The following OSBPL2 variants were observed in gnomAD, a reference collection of about 807,000 sequenced individuals.
The protein encoded by OSBPL2 is oxysterol-binding protein-related protein 2.
Under a neutral mutation model 58.4 loss-of-function variants are expected in OSBPL2, and 18 were observed. The observed-to-expected ratio is 0.31, with a 90% CI of 0.21 to 0.46. The LOEUF is 0.46. Ranked by LOEUF, OSBPL2 falls within the 20% of genes least tolerant of loss-of-function variation. The pLI is 1.00. For synonymous variants in OSBPL2, 221 were observed against 234.1 expected (o/e 0.94, Z 0.51); for missense variants, 461 against 616.5 (o/e 0.75, Z 2.67).
chr20:62,282,035 T>C lies in OSBPL2; in HGVS notation c.872+156T>C. 2 of 468,526 alleles carry C rather than the reference T, an allele frequency of 4.3e-6. 1 individual carries two copies. The highest frequency in any genetic ancestry group is 9.0e-5 in the South Asian group (2 of 22,322). The allele number at this position is 468,526 out of a possible 1,614,324, so 29.0% of individuals were successfully genotyped here. ...GGTCCAGAAGTATGACTCTTTTTTG[T>C]TTTGGAAAGACATTTTGTTATTGAG... On this transcript the variant is annotated intron_variant, in intron 9 of 13. Coordinates refer to ENST00000313733, the MANE Select transcript of OSBPL2 (RefSeq NM_144498.4).
At chr20:62,238,915 C>T (rs2145904712) in intron 1 of OSBPL2, 1 of 152,252 alleles carries the variant, frequency 6.6e-6, no homozygotes, top group East Asian at 1.9e-4. Context: ...ATCCCGGGAC[C>T]CCCGGCCCGG....
intron 4 of OSBPL2, among the ~76,000 whole-genome samples, chr20:62,266,200 G>T (rs6143008): frequency 6.6e-6 from 1 of 151,964 alleles, no homozygotes; most frequent in Non-Finnish European, 1.5e-5. Flanking sequence ...GCATTCCCTA[G>T]GTGAGGGTTG....
At position 62,295,826 on chromosome 20, in the gene OSBPL2, T is replaced by G. The variant is rs1175058162; in HGVS notation, c.*1939T>G. 6.6e-6 allele frequency: 1 copy of G among 152,186 alleles called. No homozygotes were observed. Among genetic ancestry groups the G allele is most frequent in the African/African-American group, 2.4e-5 (1 of 41,442 alleles). 9.4% of individuals were successfully genotyped at this position (152,186 alleles called of 1,614,324 possible). On this transcript the variant is annotated 3_prime_UTR_variant, in exon 14 of 14. Coordinates refer to ENST00000313733, the MANE Select transcript of OSBPL2 (RefSeq NM_144498.4). This position sits in a 1 kb window ranked among gnomAD's most constrained non-coding sequence, Gnocchi z 4.8. ...CAGACACATTGAAAGTGACTGCATTTAGGGAGGTTTAACGAGTTCTTACTG... is the reference window on the plus strand; with the variant it reads ...CAGACACATTGAAAGTGACTGCATTGAGGGAGGTTTAACGAGTTCTTACTG...
chr20:62,288,227 G>T lies in OSBPL2; in HGVS notation c.1126-980G>T, dbSNP rs914177781. Among the ~76,000 whole-genome samples the T allele has an allele frequency of 5.9e-5, 9 of 152,156 alleles. No individual in the cohort carries two copies. Among genetic ancestry groups the T allele is most frequent in the South Asian group, 2.1e-4 (1 of 4,830 alleles). ...GGAGTCATTTGAGCAGGGGGTGACG[G>T]GTGCTGTTGATGTTTCCTGTGGCCT... On this transcript the variant is annotated intron_variant, in intron 11 of 13. Coordinates refer to ENST00000313733, the MANE Select transcript of OSBPL2 (RefSeq NM_144498.4). This position sits in a 1 kb window ranked among gnomAD's most constrained non-coding sequence, Gnocchi z 4.8.
At chr20:62,249,297 C>T (rs1452922345) in intron 1 of OSBPL2, among the ~76,000 whole-genome samples, 3 of 152,182 alleles carry the variant, frequency 2.0e-5, no homozygotes, top group Non-Finnish European at 4.4e-5. Flanking sequence ...ACTCAGGCCC[C>T]AGGGTTTTTC....
intron 1 of OSBPL2, among the ~76,000 whole-genome samples, chr20:62,249,650 C>G (rs1289983748): frequency 6.6e-6 from 1 of 152,250 alleles, no homozygotes; most frequent in African/African-American, 2.4e-5. Flanking sequence ...TCTCGGCTTA[C>G]TGCAACCTCC....
Position 62,268,948 on chromosome 20 carries a change from T to A in OSBPL2, c.259-3177T>A, listed in dbSNP as rs921421099. ...AGTGCATGCCTGTAATCCCAGCTAC[T>A]TGGGAGGCTGAGGCAGGCGAATCGC... On this transcript the variant is annotated intron_variant, in intron 4 of 13. Coordinates refer to ENST00000313733, the MANE Select transcript of OSBPL2 (RefSeq NM_144498.4). Among the ~76,000 whole-genome samples, 11 of 152,206 alleles carry A rather than the reference T, an allele frequency of 7.2e-5. No homozygotes were observed. The East Asian group carries it at 1.4e-3, about 19-fold the overall frequency.
At chr20:62,279,895 G>T in intron 7 of OSBPL2, 1 of 1,236,768 alleles carries the variant, frequency 8.1e-7, no homozygotes. Context: ...CCCACCCTGT[G>T]CTCATGTGGC....
rs1226008207 is a variant in OSBPL2 at position 62,293,990 on chromosome 20, G to T, written c.*103G>T. On this transcript the variant is annotated 3_prime_UTR_variant, in exon 14 of 14. Coordinates refer to ENST00000313733, the MANE Select transcript of OSBPL2 (RefSeq NM_144498.4). ...CACAGCAGAAACCAACTTTTCTAAC[G>T]ACTGAGTTCGCGGAGATAGCATCAT... The T allele has an allele frequency of 3.4e-6, 5 of 1,457,964 alleles. No homozygotes were observed. The highest frequency in any genetic ancestry group is 4.6e-6 in the Non-Finnish European group (5 of 1,096,306). The allele number at this position is 1,457,964 out of a possible 1,614,324, so 90.3% of individuals were successfully genotyped here. A position where few individuals can be genotyped will look rare whatever the true frequency, so the allele number is the denominator to read the frequency against.
intron 4 of OSBPL2, among the ~76,000 whole-genome samples, chr20:62,267,022 A>G (rs1166032837): frequency 3.9e-5 from 6 of 152,176 alleles, no homozygotes; most frequent in Admixed American, 6.5e-5. Flanking sequence ...GGCTGAGGCG[A>G]GAGGATCGCT....
intron 9 of OSBPL2, among the ~76,000 whole-genome samples, chr20:62,282,244 C>A (rs1982842691): frequency 6.6e-6 from 1 of 152,108 alleles, no homozygotes; most frequent in Admixed American, 6.5e-5. Flanking sequence ...TCTACCAGCA[C>A]CCCATGCACG....
At chr20:62,262,428 C>T (rs1037840590) in intron 3 of OSBPL2, among the ~76,000 whole-genome samples, 4 of 152,200 alleles carry the variant, frequency 2.6e-5, no homozygotes, top group South Asian at 2.1e-4. Context: ...CATGCAGGGT[C>T]GTATCCTTGG....
intron 7 of OSBPL2, chr20:62,280,325 A>G: frequency 2.9e-6 from 1 of 339,582 alleles, no homozygotes; most frequent in East Asian, 7.9e-5. Context: ...TGGGGCTGGT[A>G]TGGCCGAGTG....
Position 62,288,432 on chromosome 20 carries a change from A to G in OSBPL2, c.1126-775A>G, listed in dbSNP as rs1489437802. 2.7e-3 allele frequency among the ~76,000 whole-genome samples: 325 copies of G among 122,414 alleles called. 3 individuals are homozygous for G. Among genetic ancestry groups the G allele is most frequent in the South Asian group, 0.019 (74 of 3,804 alleles). 80.3% of individuals were successfully genotyped at this position (122,414 alleles called of 152,430 possible). On this transcript the variant is annotated intron_variant, in intron 11 of 13. Transcript: ENST00000313733. The surrounding 1 kb of genome is among the most constrained non-coding windows in gnomAD (Gnocchi z 4.8). ...CTGTGGGTGCAGAGGCTGGGAGGCT[A>G]TGGGTGCAGAGGCTGGGAGGCTGTG...
Position 62,288,612 on chromosome 20 carries a change from G to A in OSBPL2, c.1126-595G>A, listed in dbSNP as rs369358515. On this transcript the variant is annotated intron_variant, in intron 11 of 13. Coordinates refer to ENST00000313733, the MANE Select transcript of OSBPL2 (RefSeq NM_144498.4). The surrounding 1 kb of genome is among the most constrained non-coding windows in gnomAD (Gnocchi z 4.8). ...GCTGTGGGTGCAGAGGCCGAAGGCT[G>A]TGGGTGCAGGGTGCTGCCGCAGGCC... Among the ~76,000 whole-genome samples, 23 of 152,182 alleles carry A rather than the reference G, an allele frequency of 1.5e-4. No individual in the cohort carries two copies. The highest frequency in any genetic ancestry group is 5.3e-4 in the African/African-American group (22 of 41,520).
intron 1 of OSBPL2, among the ~76,000 whole-genome samples, chr20:62,254,497 A>C (rs1476638527): frequency 6.6e-6 from 1 of 152,250 alleles, no homozygotes; most frequent in Admixed American, 6.5e-5. Context: ...GGGCTGCCGC[A>C]GTCTGGCTGG....
At chr20:62,279,507 C>T in intron 7 of OSBPL2, 168 bp downstream of exon 7, 1 of 664,584 alleles carries the variant, frequency 1.5e-6, no homozygotes, top group Non-Finnish European at 2.5e-6. Flanking sequence ...GACCAGGGTC[C>T]CGTGTTGCTG....
intron 6 of OSBPL2, among the ~76,000 whole-genome samples, chr20:62,277,490 C>T (rs929426415): frequency 2.6e-5 from 4 of 152,234 alleles, no homozygotes; most frequent in East Asian, 3.9e-4. Flanking sequence ...ACTTCCAGAT[C>T]GTCCTTGCCA....
At chr20:62,264,993 T>A (rs1269585095) in intron 4 of OSBPL2, among the ~76,000 whole-genome samples, 1 of 152,226 alleles carries the variant, frequency 6.6e-6, no homozygotes, top group East Asian at 1.9e-4. Flanking sequence ...GCCGCATGTC[T>A]TGTTAGTGGG....
Sources: gnomAD v4.1 joint callset for allele counts (sites outside exome capture counted in the v4.1 genomes callset) on GRCh38, gnomAD v4.1.1 for gene constraint, Gnocchi (gnomAD v3.1) non-coding constraint, MANE v1.5 for transcripts, NCBI Gene and HGNC (gene_info 2026-07-23, HGNC 2026-07-21) for gene names.